BMP8B: variants seen among roughly 807,000 people sequenced by gnomAD.
The protein encoded by BMP8B is bone morphogenetic protein 8b.
In BMP8B, 17 loss-of-function variants were observed where a neutral mutation model predicts 30.3. The ratio of observed to expected loss-of-function variants is 0.56; its 90% CI spans 0.38 to 0.84. The LOEUF (loss-of-function observed/expected upper bound fraction) is 0.84. BMP8B is among the 40% of genes least tolerant of loss of function. The pLI is 0.00. For synonymous variants in BMP8B, 131 were observed against 214.7 expected, an observed-to-expected ratio of 0.61 and a Z score of 3.41; for missense variants, 253 against 494.6, an observed-to-expected ratio of 0.51 and a Z score of 4.63.
chr1:39,763,100 G>T lies in BMP8B; in HGVS notation c.1051C>A (p.Gln351Lys), dbSNP rs144839101. Residue 351 changes from glutamine to lysine, a missense_variant, in exon 6 of 7, where the codon CAG (glutamine) becomes AAG (lysine). By Grantham distance (53) the Gln-to-Lys change is moderately conservative. Transcript: ENST00000372827. ...ATGGGCATGGTACTGACCAGGGACT[G>T]CAGGATGGCGTGGTTGGTGGCATTC... is the stretch of plus-strand genomic sequence containing the variant. ...CMNATNHAIL[Q>K]SLVHLMMPDA... is the part of the protein sequence containing the mutation. The T allele has an allele frequency of 3.7e-6, 6 of 1,613,786 alleles. No homozygotes were observed. In the African/African-American group the frequency reaches 5.3e-5, roughly 14 times the overall value.
chr1:39,777,828 C>G (rs535566864), intron 1 of BMP8B, among the ~76,000 whole-genome samples: 5 of 152,284 alleles, frequency 3.3e-5, no homozygotes, highest in South Asian at 2.1e-4. Flanking sequence ...TCTGTCCCTC[C>G]GGCCTCTTGT....
intron 6 of BMP8B, chr1:39,762,498 C>A: frequency 1.3e-6 from 2 of 1,546,084 alleles, no homozygotes; most frequent in Non-Finnish European, 1.7e-6. Context: ...CCATCAGAAA[C>A]CTGCTTTTGT....
Position 39,760,443 on chromosome 1 carries a change from C to T in BMP8B, c.1185G>A (p.Val395=). ...NVILRKHRNM[V]VKACGCH ...CTCAGTGGCAGCCGCAGGCCTTGAC[C>T]ACCATGTTGCGGTGCTTGCGCAGGA... Residue 395 remains valine, a synonymous_variant, in exon 7 of 7, where the codon GTG becomes GTA. Transcript: ENST00000372827. 6.2e-7 allele frequency: 1 copy of T among 1,614,112 alleles called. No individual in the cohort carries two copies. Among genetic ancestry groups the T allele is most frequent in the South Asian group, 1.1e-5 (1 of 91,090 alleles).
intron 3 of BMP8B, chr1:39,770,264 C>A: frequency 6.5e-7 from 1 of 1,547,312 alleles, no homozygotes; most frequent in East Asian, 2.3e-5. Context: ...CATGCTGGGA[C>A]TGATGAAGTT....
At chr1:39,779,860 T>C (rs78509578) in intron 1 of BMP8B, among the ~76,000 whole-genome samples, 7 of 152,356 alleles carry the variant, frequency 4.6e-5, no homozygotes, top group African/African-American at 7.2e-5. Flanking sequence ...ACACATATTG[T>C]TGCACATTGT....
intron 1 of BMP8B, among the ~76,000 whole-genome samples, chr1:39,780,524 T>C (rs1187163078): frequency 6.6e-6 from 1 of 152,204 alleles, no homozygotes; most frequent in Non-Finnish European, 1.5e-5. Context: ...CCATTCTGGC[T>C]TGAAGGGACA....
intron 1 of BMP8B, among the ~76,000 whole-genome samples, chr1:39,776,643 C>T (rs914962): frequency 0.35 from 53,740 of 152,038 alleles, 10,759 homozygotes; most frequent in African/African-American, 0.55. Flanking sequence ...CAGCCCAGGG[C>T]GGAGAAGGAA....
In BMP8B at chr1:39,763,174, G is replaced by A. The variant is rs147323607; in HGVS notation, c.977C>T (p.Ser326Leu). 2.4e-4 allele frequency: 387 copies of A among 1,613,656 alleles called. No homozygotes were observed. Among genetic ancestry groups the A allele is most frequent in the Non-Finnish European group, 2.9e-4 (341 of 1,179,902 alleles). ...LDWVIAPQGY[S>L]AYYCEGECSF... is the part of the protein sequence containing the mutation. Reference sequence around the variant, plus strand: ...GCACTCCCCCTCACAGTAATAGGCCGAGTAGCCTTGGGGAGCGATGACCCA... The same window carrying A: ...GCACTCCCCCTCACAGTAATAGGCCAAGTAGCCTTGGGGAGCGATGACCCA... The change falls in exon 6 of 7, where the codon TCG (serine) becomes TTG (leucine). Residue 326 changes from serine to leucine, a missense_variant. Ser to Leu is a moderately radical substitution (Grantham distance 145). Around this residue, in one of 7 missense-constraint regions of BMP8B, gnomAD observed 116 missense variants for 142.3 expected, o/e 0.81. Transcript: ENST00000372827.
At chr1:39,771,453 C>T in intron 3 of BMP8B, 2 of 600,428 alleles carry the variant, frequency 3.3e-6, no homozygotes, top group South Asian at 3.3e-5. Context: ...TGGGGGCCCC[C>T]GAGTCAGTCC....
intron 1 of BMP8B, among the ~76,000 whole-genome samples, chr1:39,784,495 A>G (rs1268930305): frequency 7.8e-6 from 1 of 127,996 alleles, no homozygotes; most frequent in African/African-American, 2.8e-5. Context: ...TCATGTATGT[A>G]TTATGTGTCT....
chr1:39,771,354 C>G (rs1435116651), intron 3 of BMP8B: 1 of 822,684 alleles, frequency 1.2e-6, no homozygotes, highest in East Asian at 3.3e-5. Flanking sequence ...CCCTGACGCA[C>G]TCCCTCCCAG....
chr1:39,762,338 C>G (rs1649108502), intron 6 of BMP8B: 10 of 745,798 alleles, frequency 1.3e-5, no homozygotes, highest in East Asian at 3.0e-5. Flanking sequence ...CGCACCTGAT[C>G]AAGGCATCAC....
Position 39,764,833 on chromosome 1 carries a change from G to T in BMP8B, c.674-16C>A. 1 of 1,607,018 alleles carries T rather than the reference G, an allele frequency of 6.2e-7. No homozygotes were observed. Among genetic ancestry groups the T allele is most frequent in the Non-Finnish European group, 8.5e-7 (1 of 1,175,450 alleles). On this transcript the variant is annotated splice_polypyrimidine_tract_variant and intron_variant, in intron 3 of 6. Coordinates refer to ENST00000372827, the MANE Select transcript of BMP8B (RefSeq NM_001720.5). The stretch of plus-strand genomic sequence containing the variant: ...ACGCTGTGCCCTGAGACAGAAAGGA[G>T]AGAGGGGTCACTCACGGGCAGTGGC...
Position 39,788,303 on chromosome 1 carries a change from GC to G in BMP8B, c.182del (p.Arg61ProfsTer46). The part of the protein sequence containing the change: ...VLGLPGRPRP[R>X]APPAASRLPA... ...GCAGCCGGGAGGCGGCGGGTGGCGC[GC>G]GGGGCCGGGGCCGCCCAGGCAGCCC... is the stretch of plus-strand genomic sequence containing the variant. On this transcript the variant is annotated frameshift_variant, in exon 1 of 7. Coordinates refer to ENST00000372827, the MANE Select transcript of BMP8B (RefSeq NM_001720.5). LOFTEE classifies it high-confidence loss of function. This position sits in a 1 kb window ranked among gnomAD's most constrained non-coding sequence, Gnocchi z 5.8. The G allele has an allele frequency of 7.8e-7, 1 of 1,275,486 alleles. No individual in the cohort carries two copies. The highest frequency in any genetic ancestry group is 9.8e-7 in the Non-Finnish European group (1 of 1,017,526). 79.0% of individuals were successfully genotyped at this position (1,275,486 alleles called of 1,614,324 possible).
chr1:39,784,251 C>A (rs934887887), intron 1 of BMP8B, among the ~76,000 whole-genome samples: 5 of 152,114 alleles, frequency 3.3e-5, no homozygotes, highest in Non-Finnish European at 7.3e-5. Context: ...CCACAACAGC[C>A]CCATAAGATG....
At chr1:39,762,978 GC>G in intron 6 of BMP8B, 113 bp downstream of exon 6, 2 of 1,316,046 alleles carry the variant, frequency 1.5e-6, no homozygotes, top group Non-Finnish European at 2.2e-6. Context: ...TGCAGACAAA[GC>G]CCCCTGAGAC....
chr1:39,769,790 C>G, intron 3 of BMP8B: 1 of 1,613,540 alleles, frequency 6.2e-7, no homozygotes, highest in Non-Finnish European at 8.5e-7. Context: ...CACCGTCAGG[C>G]CCTCCCAGAG....
At chr1:39,778,389 G>A (rs1241925933) in intron 1 of BMP8B, among the ~76,000 whole-genome samples, 3 of 151,606 alleles carry the variant, frequency 2.0e-5, no homozygotes, top group African/African-American at 7.3e-5. Flanking sequence ...CAGCAAAGGC[G>A]GTGGGGCAGG....
intron 3 of BMP8B, among the ~76,000 whole-genome samples, chr1:39,771,601 G>C (rs1649984197): frequency 6.6e-6 from 1 of 150,678 alleles, no homozygotes; most frequent in Non-Finnish European, 1.5e-5. Context: ...CTTCCCCCCA[G>C]CTTCCCCAGC....
Sources: gnomAD v4.1 joint callset for allele counts (sites outside exome capture counted in the v4.1 genomes callset) on GRCh38, gnomAD v4.1.1 for gene constraint, gnomAD v4.1.1 regional missense constraint, Gnocchi (gnomAD v3.1) non-coding constraint, MANE v1.5 for transcripts, NCBI Gene and HGNC (gene_info 2026-07-23, HGNC 2026-07-21) for gene names.